SHOC2: variants seen among roughly 807,000 people sequenced by gnomAD.
The protein encoded by SHOC2 is leucine-rich repeat protein SHOC-2.
Under a neutral mutation model 50.2 loss-of-function variants are expected in SHOC2, and 4 were observed. That is an observed-to-expected ratio of 0.08 (90% CI 0.04 to 0.18). The LOEUF (loss-of-function observed/expected upper bound fraction) is 0.18, where lower values mean the gene tolerates loss of function less well. Ranked by LOEUF, SHOC2 falls within the 10% of genes least tolerant of loss-of-function variation. The pLI is 1.00. For synonymous variants in SHOC2, 218 were observed against 244.5 expected, an observed-to-expected ratio of 0.89 and a Z score of 1.01; for missense variants, 388 against 669.6, an observed-to-expected ratio of 0.58 and a Z score of 4.64.
chr10:110,945,312 T>C (rs1472137997), intron 1 of SHOC2, among the ~76,000 whole-genome samples: 2 of 152,204 alleles, frequency 1.3e-5, no homozygotes, highest in Admixed American at 1.3e-4. Flanking sequence ...AATGAAGCTT[T>C]GAATGAGCTA....
chr10:110,932,503 A>G (rs1282787334), intron 1 of SHOC2, among the ~76,000 whole-genome samples: 1 of 152,180 alleles, frequency 6.6e-6, no homozygotes, highest in East Asian at 1.9e-4. Flanking sequence ...AGAGAAGCCA[A>G]TGGCATTGAG....
At position 111,011,966 on chromosome 10, in the gene SHOC2, C is replaced by T; in HGVS notation, c.*148C>T. The T allele has an allele frequency of 4.4e-6, 3 of 687,354 alleles. No homozygotes were observed. 42.6% of individuals were successfully genotyped at this position (687,354 alleles called of 1,614,324 possible). A position where few individuals can be genotyped will look rare whatever the true frequency, so the allele number is the denominator to read the frequency against. ...TTTCTGCTAATAGAGGAATCATAGC[C>T]ATTTAGAATTTTTTTTAAATTCTGT... On this transcript the variant is annotated 3_prime_UTR_variant, in exon 9 of 9. Coordinates refer to ENST00000369452, the MANE Select transcript of SHOC2 (RefSeq NM_007373.4).
At chr10:110,942,998 A>G (rs192623076) in intron 1 of SHOC2, among the ~76,000 whole-genome samples, 102 of 152,208 alleles carry the variant, frequency 6.7e-4, no homozygotes, top group Non-Finnish European at 1.1e-3. Context: ...TTTCATCCTC[A>G]GTTTTCTAAG....
At chr10:110,935,457 G>A (rs542367097) in intron 1 of SHOC2, among the ~76,000 whole-genome samples, 1 of 152,214 alleles carries the variant, frequency 6.6e-6, no homozygotes, top group Admixed American at 6.5e-5. Flanking sequence ...CTAGTTGGTG[G>A]ACATTTAGGT....
At chr10:110,978,850 G>T (rs746488453) in intron 2 of SHOC2, among the ~76,000 whole-genome samples, 2 of 152,110 alleles carry the variant, frequency 1.3e-5, no homozygotes, top group Admixed American at 6.5e-5. Flanking sequence ...TCTGGCCTTC[G>T]ACTTGAGATT....
intron 3 of SHOC2, among the ~76,000 whole-genome samples, chr10:110,997,704 G>A (rs779582670): frequency 1.4e-4 from 21 of 152,008 alleles, no homozygotes; most frequent in Non-Finnish European, 2.5e-4. Context: ...TCTTACGCAC[G>A]TTATATCTAA....
In SHOC2 at chr10:111,004,682, G is replaced by A; in HGVS notation, c.1049G>A (p.Gly350Asp). The part of the protein sequence containing the change: ...RNCFQLYPVG[G>D]PSQFSTIYSL... ...TGCTTCCAGTTGTATCCAGTGGGTGGTCCATCTCAGTTTTCTACCATCTAT... is the reference window on the plus strand; with the variant it reads ...TGCTTCCAGTTGTATCCAGTGGGTGATCCATCTCAGTTTTCTACCATCTAT... The change falls in exon 5 of 9, where the codon GGT (glycine) becomes GAT (aspartate). Residue 350 changes from glycine (G) to aspartate (D), a missense_variant. Gly to Asp is a moderately conservative substitution (Grantham distance 94). This residue lies in a region of SHOC2 where 48 missense variants were observed against 151.6 expected (regional missense o/e 0.32). Coordinates refer to ENST00000369452, the MANE Select transcript of SHOC2 (RefSeq NM_007373.4). The A allele has an allele frequency of 6.2e-7, 1 of 1,612,626 alleles. No individual in the cohort carries two copies.
intron 2 of SHOC2, among the ~76,000 whole-genome samples, chr10:110,979,003 A>C (rs7070196): frequency 2.0e-5 from 3 of 152,262 alleles, no homozygotes; most frequent in African/African-American, 7.2e-5. Flanking sequence ...TCTTATAACA[A>C]CAATCATTTG....
At chr10:110,996,782 T>C (rs142645884) in intron 3 of SHOC2, among the ~76,000 whole-genome samples, 65 of 152,316 alleles carry the variant, frequency 4.3e-4, no homozygotes, top group African/African-American at 1.4e-3. Context: ...AAATACATAT[T>C]ACCAGTGTCT....
intron 3 of SHOC2, among the ~76,000 whole-genome samples, chr10:110,999,894 A>C (rs1314061146): frequency 6.6e-6 from 1 of 152,080 alleles, no homozygotes; most frequent in Non-Finnish European, 1.5e-5. Flanking sequence ...GGGGTTGAGA[A>C]ATTTTTTACC....
chr10:110,946,012 A>G (rs370633398), intron 1 of SHOC2, among the ~76,000 whole-genome samples: 40 of 152,000 alleles, frequency 2.6e-4, no homozygotes, highest in Non-Finnish European at 1.8e-4. Context: ...TTCCTGTTCT[A>G]ACTGATACCC....
intron 1 of SHOC2, among the ~76,000 whole-genome samples, chr10:110,953,390 T>C (rs1847395176): frequency 6.6e-6 from 1 of 152,240 alleles, no homozygotes; most frequent in Admixed American, 6.5e-5. Context: ...TCATACAGTA[T>C]GTAGCCTCTG....
rs534739117 is a variant in SHOC2 at position 110,997,494 on chromosome 10, G to A, written c.842-2921G>A. ...TTTTTGCATGCCTGTTTCTTACGTTGTTGAAATCATACAAAATGCACAATT... is the reference window on the plus strand; with the variant it reads ...TTTTTGCATGCCTGTTTCTTACGTTATTGAAATCATACAAAATGCACAATT... On this transcript the variant is annotated intron_variant, in intron 3 of 8. Transcript: ENST00000369452. Among the ~76,000 whole-genome samples, 2 of 151,704 alleles carry A rather than the reference G, an allele frequency of 1.3e-5. 1 individual carries two copies. The highest frequency in any genetic ancestry group is 4.2e-4 in the South Asian group (2 of 4,780).
At chr10:110,951,905 G>T (rs557942025) in intron 1 of SHOC2, 1 of 152,156 alleles carries the variant, frequency 6.6e-6, no homozygotes, top group African/African-American at 2.4e-5. Flanking sequence ...TGATCCGCCC[G>T]CCTCAGGCTC....
chr10:111,009,881 A>G (rs772607154), intron 8 of SHOC2, 51 bp downstream of exon 8: 1 of 935,710 alleles, frequency 1.1e-6, no homozygotes, highest in Non-Finnish European at 1.8e-6. Flanking sequence ...GCTCTTGTGC[A>G]TTCAAGCAAT....
At position 110,937,008 on chromosome 10, in the gene SHOC2, G is replaced by T. The variant is rs775425903; in HGVS notation, c.-235+17351G>T. ...ACAGTCAGCCAGAAGATGGGGCTGG[G>T]GGCCCGGAAGTGGTAGGGGCGTCGG... On this transcript the variant is annotated intron_variant, in intron 1 of 8. Transcript: ENST00000369452. 5 of 1,484,300 alleles carry T rather than the reference G, an allele frequency of 3.4e-6. No homozygotes were observed. In the East Asian group the frequency reaches 6.8e-5, roughly 20 times the overall value. The allele number at this position is 1,484,300 out of a possible 1,614,324, so 91.9% of individuals were successfully genotyped here. A position where few individuals can be genotyped will look rare whatever the true frequency, so the allele number is the denominator to read the frequency against.
At chr10:111,007,036 T>C (rs1363463772) in intron 5 of SHOC2, among the ~76,000 whole-genome samples, 3 of 152,208 alleles carry the variant, frequency 2.0e-5, no homozygotes, top group Non-Finnish European at 4.4e-5. Flanking sequence ...TTTTAATGAT[T>C]TAATTTGCTG....
At position 110,982,350 on chromosome 10, in the gene SHOC2, T is replaced by G. The variant is rs541900631; in HGVS notation, c.704-3278T>G. On this transcript the variant is annotated intron_variant, in intron 2 of 8. Coordinates refer to ENST00000369452, the MANE Select transcript of SHOC2 (RefSeq NM_007373.4). ...TGTGTCTTTATAGCAGCATGATTTA[T>G]AGTCCTTTGGGTATATACCCAGTAA... 5.2e-3 allele frequency among the ~76,000 whole-genome samples: 791 copies of G among 151,710 alleles called. 8 individuals carry two copies. The highest frequency in any genetic ancestry group is 0.018 in the African/African-American group (755 of 41,456).
At chr10:111,011,585 A>C (rs762594124) in intron 8 of SHOC2, 25 bp from the exon 9 acceptor site, 2 of 1,586,364 alleles carry the variant, frequency 1.3e-6, no homozygotes, top group Admixed American at 3.3e-5. Flanking sequence ...ATTTTTAAAA[A>C]AAAATTGATT....
Sources: gnomAD v4.1 joint callset for allele counts (sites outside exome capture counted in the v4.1 genomes callset) on GRCh38, gnomAD v4.1.1 for gene constraint, gnomAD v4.1.1 regional missense constraint, MANE v1.5 for transcripts, NCBI Gene and HGNC (gene_info 2026-07-23, HGNC 2026-07-21) for gene names.